The following ITPR2 variants were observed in gnomAD, a reference collection of about 807,000 sequenced individuals.
ITPR2 encodes inositol 1,4,5-trisphosphate receptor type 2.
A neutral mutation model predicts 317.1 loss-of-function variants in ITPR2; 207 were observed. The observed-to-expected ratio is 0.65, with a 90% CI of 0.58 to 0.73. The LOEUF (loss-of-function observed/expected upper bound fraction) is 0.73. ITPR2 is among the 30% of genes least tolerant of loss of function. ITPR2 has a pLI of 0.00. For synonymous variants in ITPR2, 1,156 were observed against 1,149.1 expected, an observed-to-expected ratio of 1.01 and a Z score of -0.12; for missense variants, 2,613 against 3,284.0, an observed-to-expected ratio of 0.80 and a Z score of 4.99.
rs1188359823 is a variant in ITPR2 at position 26,711,197 on chromosome 12, T to C, written c.927A>G (p.Ala309=). 1.9e-6 allele frequency: 3 copies of C among 1,613,428 alleles called. No individual in the cohort carries two copies. The highest frequency in any genetic ancestry group is 3.3e-5 in the Admixed American group (2 of 59,982). ...CCTCTGCAGCTAAATAGTTTCCAGT[T>C]GCAAGATGCTTAAATCTGAACAAGC... ...WNSLFRFKHL[A]TGNYLAAELN... Residue 309 remains alanine, a synonymous_variant, in exon 9 of 57, where the codon GCA becomes GCG. Coordinates refer to ENST00000381340, the MANE Select transcript of ITPR2 (RefSeq NM_002223.4).
chr12:26,339,454 T>C lies in ITPR2; in HGVS notation c.8049A>G (p.Arg2683=). ...QMTEQRKNKQ[R]LGFLGSNTPH... is the part of the protein sequence containing the mutation. ...GTGTGTTTGATCCGAGGAAGCCCAG[T>C]CTCTGCTTATTCTTCCTTTGTTCTG... Residue 2683 remains arginine (R), a synonymous_variant, in exon 57 of 57, where the codon AGA becomes AGG. Coordinates refer to ENST00000381340, the MANE Select transcript of ITPR2 (RefSeq NM_002223.4). 6.2e-7 allele frequency: 1 copy of C among 1,613,866 alleles called. No individual in the cohort carries two copies. Among genetic ancestry groups the C allele is most frequent in the Admixed American group, 1.7e-5 (1 of 60,008 alleles).
Position 26,419,158 on chromosome 12 carries a change from G to T in ITPR2, c.7001C>A (p.Thr2334Asn). ...VSFVGNRGTF[T>N]RGYRAVILDM... ...CAGGATGACTGCTCGGTACCCACGG[G>T]TGAACGTGCCACGATTTCCAACAAA... is the stretch of plus-strand genomic sequence containing the variant. Residue 2334 changes from threonine (T) to asparagine (N), a missense_variant, in exon 50 of 57, where the codon ACC (threonine) becomes AAC (asparagine). Thr to Asn is a moderately conservative substitution (Grantham distance 65). Transcript: ENST00000381340. 6.2e-7 allele frequency: 1 copy of T among 1,613,732 alleles called. No homozygotes were observed.
intron 54 of ITPR2, among the ~76,000 whole-genome samples, chr12:26,389,057 C>T (rs185498476): frequency 1.2e-3 from 176 of 152,306 alleles, no homozygotes; most frequent in African/African-American, 3.7e-3. Flanking sequence ...CCACTTCTCA[C>T]CCGCTCTGCT....
chr12:26,544,795 GAATGCTTC>G, intron 37 of ITPR2, among the ~76,000 whole-genome samples: 1 of 152,128 alleles, frequency 6.6e-6, no homozygotes, highest in Admixed American at 6.5e-5. Context: ...AATCTCCTGG[GAATGCTTC>G]AATACACAGT....
intron 55 of ITPR2, among the ~76,000 whole-genome samples, chr12:26,367,107 C>A (rs1939037066): frequency 6.6e-6 from 1 of 151,978 alleles, no homozygotes; most frequent in Non-Finnish European, 1.5e-5. Flanking sequence ...TTGGATATAC[C>A]CAATTTATAA....
At chr12:26,733,755 C>T (rs561894998) in intron 2 of ITPR2, among the ~76,000 whole-genome samples, 81 of 152,256 alleles carry the variant, frequency 5.3e-4, no homozygotes, top group South Asian at 3.1e-3. Flanking sequence ...CAAGCCACTA[C>T]ACTAGATGTA....
intron 1 of ITPR2, among the ~76,000 whole-genome samples, chr12:26,804,678 T>C (rs1010603562): frequency 6.6e-6 from 1 of 152,210 alleles, no homozygotes; most frequent in Non-Finnish European, 1.5e-5. Context: ...GAATTTATAA[T>C]TAATAATAGA....
Position 26,339,388 on chromosome 12 carries a change from C to T in ITPR2, c.*9G>A, listed in dbSNP as rs1291170592. On this transcript the variant is annotated 3_prime_UTR_variant, in exon 57 of 57. Transcript: ENST00000381340. ...GATGAAAGGCTAGTCACGGCTTCCCCCCATGGTATCAGTGTGGTGGCATGT... is the reference window on the plus strand; with the variant it reads ...GATGAAAGGCTAGTCACGGCTTCCCTCCATGGTATCAGTGTGGTGGCATGT... 6.2e-7 allele frequency: 1 copy of T among 1,611,194 alleles called. No individual in the cohort carries two copies. The highest frequency in any genetic ancestry group is 1.7e-5 in the Admixed American group (1 of 60,008).
chr12:26,740,934 G>T (rs533272752), intron 2 of ITPR2, among the ~76,000 whole-genome samples: 4 of 152,320 alleles, frequency 2.6e-5, no homozygotes, highest in Non-Finnish European at 5.9e-5. Context: ...TTCTGTCTTT[G>T]GAGAAATGGA....
In ITPR2 at chr12:26,498,700, A is replaced by G. The variant is rs549033477; in HGVS notation, c.5074-3440T>C. On this transcript the variant is annotated intron_variant, in intron 37 of 56. Transcript: ENST00000381340. The stretch of plus-strand genomic sequence containing the variant: ...CCCACCTGTAATAACTAAAGCTGAC[A>G]GTGTGAAAATCCAGGACTTTTTCTT... Among the ~76,000 whole-genome samples the G allele has an allele frequency of 3.0e-4, 46 of 152,302 alleles. No homozygotes were observed. The South Asian group carries it at 4.4e-3, about 14-fold the overall frequency.
At chr12:26,568,077 T>G (rs1447733549) in intron 34 of ITPR2, among the ~76,000 whole-genome samples, 1 of 146,596 alleles carries the variant, frequency 6.8e-6, no homozygotes, top group Non-Finnish European at 1.5e-5. Flanking sequence ...GATTAGCAGT[T>G]ATTCTCTGCC....
chr12:26,554,648 T>C (rs1346794179), intron 36 of ITPR2, among the ~76,000 whole-genome samples: 2 of 152,190 alleles, frequency 1.3e-5, no homozygotes, highest in Admixed American at 6.5e-5. Context: ...CTCGGGGATA[T>C]AGCTATTGTA....
intron 55 of ITPR2, among the ~76,000 whole-genome samples, chr12:26,340,881 C>G (rs11048473): frequency 6.6e-6 from 1 of 152,058 alleles, no homozygotes; most frequent in Non-Finnish European, 1.5e-5. Flanking sequence ...GTTACTCTGT[C>G]TGCTCCCTTT....
intron 2 of ITPR2, among the ~76,000 whole-genome samples, chr12:26,731,956 T>C (rs764528): frequency 0.052 from 7,868 of 151,476 alleles, 306 homozygotes; most frequent in Non-Finnish European, 0.079. Flanking sequence ...TATAAAACTC[T>C]TTATTTTTAG....
chr12:26,625,052 C>T (rs1311171361), intron 23 of ITPR2, among the ~76,000 whole-genome samples: 3 of 151,966 alleles, frequency 2.0e-5, no homozygotes, highest in Non-Finnish European at 2.9e-5. Context: ...ATGGATGGAA[C>T]TGGAGGTCAT....
At chr12:26,821,329 C>T (rs1249209625) in intron 1 of ITPR2, among the ~76,000 whole-genome samples, 2 of 152,196 alleles carry the variant, frequency 1.3e-5, no homozygotes, top group Non-Finnish European at 2.9e-5. Flanking sequence ...GGCATTGCCA[C>T]TTGCCGTCAT....
intron 37 of ITPR2, among the ~76,000 whole-genome samples, chr12:26,515,446 C>T (rs1428010653): frequency 1.3e-5 from 2 of 151,818 alleles, no homozygotes; most frequent in Admixed American, 1.3e-4. Context: ...TCCTTAAGGC[C>T]CACACTGACT....
chr12:26,675,502 CAT>C (rs1565684435), intron 13 of ITPR2, among the ~76,000 whole-genome samples: 1 of 150,086 alleles, frequency 6.7e-6, no homozygotes, highest in Non-Finnish European at 1.5e-5. Flanking sequence ...ACAATAAGAA[CAT>C]ATGTTCACAG....
chr12:26,440,756 ATT>A (rs67063803), intron 46 of ITPR2, among the ~76,000 whole-genome samples: 11,961 of 147,930 alleles, frequency 0.081, 505 homozygotes, highest in South Asian at 0.11. Flanking sequence ...AGTGTCAAAT[ATT>A]TTTAAAAAAT....
Sources: allele counts gnomAD v4.1 joint callset (sites outside exome capture counted in the v4.1 genomes callset), GRCh38; gene constraint gnomAD v4.1.1; transcripts MANE v1.5; gene names NCBI Gene and HGNC (gene_info 2026-07-23, HGNC 2026-07-21).